Variants in PDE7B observed in about 807,000 individuals in gnomAD.
The protein encoded by PDE7B is 3',5'-cyclic-AMP phosphodiesterase 7B.
PDE7B carries 29 observed loss-of-function variants against 56.2 expected under a neutral mutation model. The ratio of observed to expected loss-of-function variants is 0.52; its 90% CI spans 0.38 to 0.70. The LOEUF is 0.70. Among genes scored for constraint, PDE7B ranks in the 30% least tolerant of loss-of-function variants. The probability of loss-of-function intolerance (pLI) is 0.00; values close to 1 mark genes in which losing one functional copy is unlikely to be tolerated. For missense variants in PDE7B, 490 were observed against 565.0 expected (o/e 0.87, Z 1.35); for synonymous variants, 197 against 196.9 (o/e 1.00, Z 0.00).
chr6:135,918,718 G>A (rs4499949), intron 1 of PDE7B, among the ~76,000 whole-genome samples: 57,858 of 152,036 alleles, frequency 0.38, 12,457 homozygotes, highest in African/African-American at 0.59. Flanking sequence ...GCTCCTGTGG[G>A]TGACTTATGC....
chr6:136,066,299 G>A (rs937943138), intron 2 of PDE7B, among the ~76,000 whole-genome samples: 18 of 152,104 alleles, frequency 1.2e-4, no homozygotes, highest in Admixed American at 1.2e-3. Context: ...CATGTTTGCT[G>A]TTTGGGTTTG....
Position 136,055,197 on chromosome 6 carries a change from C to T in PDE7B, c.83-53534C>T, listed in dbSNP as rs1776709456. Among the ~76,000 whole-genome samples, 6 of 152,178 alleles carry T rather than the reference C, an allele frequency of 3.9e-5. No individual in the cohort carries two copies. The South Asian group carries it at 1.2e-3, about 32-fold the overall frequency. ...CACTGCTTCTTAATTTTTCTCTTTC[C>T]ATTTTAAAGGTTATAATGGTAGATA... On this transcript the variant is annotated intron_variant, in intron 2 of 12. Coordinates refer to ENST00000308191, the MANE Select transcript of PDE7B (RefSeq NM_018945.4).
chr6:135,988,635 C>T (rs2128204937), intron 2 of PDE7B, among the ~76,000 whole-genome samples: 1 of 152,136 alleles, frequency 6.6e-6, no homozygotes, highest in Middle Eastern at 3.4e-3. Flanking sequence ...GTTCTTCTTC[C>T]TTAGAGATAC....
intron 11 of PDE7B, among the ~76,000 whole-genome samples, chr6:136,184,038 C>G (rs568313240): frequency 6.6e-6 from 1 of 152,298 alleles, no homozygotes; most frequent in South Asian, 2.1e-4. Flanking sequence ...TCATCTCAAC[C>G]TAGTTTCCTA....
At chr6:136,022,022 GT>G (rs1226154487) in intron 2 of PDE7B, among the ~76,000 whole-genome samples, 29 of 152,170 alleles carry the variant, frequency 1.9e-4, no homozygotes, top group African/African-American at 7.0e-4. Flanking sequence ...GGCCTTCTTT[GT>G]TTCTTTAGAC....
chr6:135,922,023 G>A (rs944452337), intron 1 of PDE7B, among the ~76,000 whole-genome samples: 19 of 152,058 alleles, frequency 1.2e-4, no homozygotes, highest in African/African-American at 4.1e-4. Flanking sequence ...CAATTCATGA[G>A]GGTTATTTTT....
chr6:136,023,780 A>G (rs1250262612), intron 2 of PDE7B, among the ~76,000 whole-genome samples: 1 of 152,014 alleles, frequency 6.6e-6, no homozygotes, highest in East Asian at 1.9e-4. Context: ...ATAGATATCA[A>G]TATAGATATA....
intron 8 of PDE7B, among the ~76,000 whole-genome samples, chr6:136,158,606 T>G (rs1778650886): frequency 6.6e-6 from 1 of 152,148 alleles, no homozygotes; most frequent in Non-Finnish European, 1.5e-5. Flanking sequence ...TACCCTGAGA[T>G]AAAGAGAGAG....
intron 1 of PDE7B, among the ~76,000 whole-genome samples, chr6:135,886,972 A>G (rs757055127): frequency 1.3e-5 from 2 of 152,156 alleles, no homozygotes; most frequent in African/African-American, 2.4e-5. Context: ...GTACTAATTT[A>G]CATTCCCACC....
chr6:136,179,755 C>T (rs1562515080), intron 10 of PDE7B, among the ~76,000 whole-genome samples: 1 of 152,268 alleles, frequency 6.6e-6, no homozygotes, highest in East Asian at 1.9e-4. Flanking sequence ...CCTATTTAAC[C>T]TGCTTTATTT....
At chr6:136,060,710 T>C (rs780477662) in intron 2 of PDE7B, among the ~76,000 whole-genome samples, 5 of 152,146 alleles carry the variant, frequency 3.3e-5, no homozygotes, top group Non-Finnish European at 5.9e-5. Context: ...ACATAGCTAG[T>C]AAAAACCTAA....
At chr6:136,084,304 A>G (rs1777253725) in intron 2 of PDE7B, among the ~76,000 whole-genome samples, 1 of 152,212 alleles carries the variant, frequency 6.6e-6, no homozygotes, top group Non-Finnish European at 1.5e-5. Context: ...TCTCTAATCA[A>G]TTGATACCTT....
At chr6:136,178,937 C>T in intron 9 of PDE7B, 60 bp from the exon 10 acceptor site, 1 of 1,556,220 alleles carries the variant, frequency 6.4e-7, no homozygotes, top group Admixed American at 1.7e-5. Flanking sequence ...TAAAATCAAT[C>T]ACCCTCATCA....
intron 3 of PDE7B, among the ~76,000 whole-genome samples, chr6:136,123,588 G>C (rs1300716396): frequency 1.3e-5 from 2 of 152,148 alleles, no homozygotes; most frequent in Non-Finnish European, 2.9e-5. Flanking sequence ...TCTTCGCTGG[G>C]AATTGCCAAA....
intron 2 of PDE7B, among the ~76,000 whole-genome samples, chr6:135,958,185 TCG>T (rs1774833062): frequency 6.6e-6 from 1 of 152,088 alleles, no homozygotes; most frequent in South Asian, 2.1e-4. Flanking sequence ...TGAGCCTAGA[TCG>T]CGCCACTGCA....
intron 5 of PDE7B, among the ~76,000 whole-genome samples, chr6:136,149,798 A>G (rs770838890): frequency 8.5e-5 from 13 of 152,230 alleles, no homozygotes; most frequent in Non-Finnish European, 1.5e-4. Flanking sequence ...GAAAGACATC[A>G]CATTTAATGC....
intron 12 of PDE7B, among the ~76,000 whole-genome samples, chr6:136,187,573 G>C (rs1779161606): frequency 6.6e-6 from 1 of 152,060 alleles, no homozygotes; most frequent in African/African-American, 2.4e-5. Flanking sequence ...ATGCTATCCC[G>C]CCGCATCCTG....
chr6:135,854,162 CTGA>C (rs1188965936), intron 1 of PDE7B, among the ~76,000 whole-genome samples: 1 of 152,180 alleles, frequency 6.6e-6, no homozygotes, highest in Non-Finnish European at 1.5e-5. Context: ...AATTATTCGT[CTGA>C]AGTCTAACTT....
intron 1 of PDE7B, among the ~76,000 whole-genome samples, chr6:135,935,722 T>A (rs1351216212): frequency 1.3e-5 from 2 of 152,210 alleles, no homozygotes; most frequent in Non-Finnish European, 2.9e-5. Flanking sequence ...AGTGTATGAC[T>A]GTTAGCAAAA....
Sources: allele counts gnomAD v4.1 joint callset (sites outside exome capture counted in the v4.1 genomes callset), GRCh38; gene constraint gnomAD v4.1.1; transcripts MANE v1.5; gene names NCBI Gene and HGNC (gene_info 2026-07-23, HGNC 2026-07-21).